TAFA1: variants seen among roughly 807,000 people sequenced by gnomAD.
TAFA1 encodes TAFA chemokine like family member 1, also known as chemokine-like protein TAFA-1.
TAFA1 carries 4 observed loss-of-function variants against 18.5 expected under a neutral mutation model. The observed-to-expected ratio is 0.22, with a 90% CI of 0.11 to 0.49. The LOEUF (loss-of-function observed/expected upper bound fraction) is 0.49. TAFA1 is among the 20% of genes least tolerant of loss of function. The pLI is 0.98. For synonymous variants in TAFA1, 56 were observed against 55.2 expected, an observed-to-expected ratio of 1.01 and a Z score of -0.06; for missense variants, 147 against 169.0, an observed-to-expected ratio of 0.87 and a Z score of 0.72.
chr3:68,401,817 T>A (rs1016212297), intron 2 of TAFA1, among the ~76,000 whole-genome samples: 1 of 152,034 alleles, frequency 6.6e-6, no homozygotes, highest in Non-Finnish European at 1.5e-5. Flanking sequence ...CCAAACTCCA[T>A]GAACTGAAAA....
chr3:68,120,177 CTTTCTTTCT>C (rs2065375045), intron 2 of TAFA1, among the ~76,000 whole-genome samples: 6 of 15,740 alleles, frequency 3.8e-4, no homozygotes, highest in Non-Finnish European at 1.0e-3. Flanking sequence ...CTTTCTCTTT[CTTTCTTTCT>C]TTCTTTCTTT....
Position 68,058,850 on chromosome 3 carries a change from T to G in TAFA1, c.118+52106T>G, listed in dbSNP as rs564584612. On this transcript the variant is annotated intron_variant, in intron 2 of 4. Coordinates refer to ENST00000478136, the MANE Select transcript of TAFA1 (RefSeq NM_213609.4). ...TTTCTATGGCTGCTGTATCTTTGGG[T>G]TCAGTCCATAACTATTTACAAAGAT... 1.4e-3 allele frequency among the ~76,000 whole-genome samples: 213 copies of G among 152,234 alleles called. 2 individuals are homozygous for G. Among genetic ancestry groups the G allele is most frequent in the Non-Finnish European group, 2.4e-3 (162 of 68,020 alleles).
intron 2 of TAFA1, among the ~76,000 whole-genome samples, chr3:68,211,917 G>A (rs1052184115): frequency 1.3e-5 from 2 of 152,002 alleles, no homozygotes; most frequent in Admixed American, 1.3e-4. Flanking sequence ...ACTCTCTTTA[G>A]GTCCCACCTC....
intron 3 of TAFA1, among the ~76,000 whole-genome samples, chr3:68,469,717 T>C (rs2071959651): frequency 6.6e-6 from 1 of 152,102 alleles, no homozygotes; most frequent in Non-Finnish European, 1.5e-5. Flanking sequence ...TTTGAGACAT[T>C]GGAAGCTCCA....
chr3:68,023,126 T>A (rs1000707861), intron 2 of TAFA1, among the ~76,000 whole-genome samples: 2 of 151,910 alleles, frequency 1.3e-5, no homozygotes, highest in Non-Finnish European at 2.9e-5. Flanking sequence ...AACACAGAAA[T>A]TTTCTCTGCC....
intron 2 of TAFA1, among the ~76,000 whole-genome samples, chr3:68,186,660 C>T (rs1206613020): frequency 6.6e-6 from 1 of 152,020 alleles, no homozygotes; most frequent in Non-Finnish European, 1.5e-5. Flanking sequence ...GGTATCTCTA[C>T]CTGTCTACTT....
chr3:68,215,678 G>T (rs376333372), intron 2 of TAFA1, among the ~76,000 whole-genome samples: 7 of 152,028 alleles, frequency 4.6e-5, no homozygotes, highest in Admixed American at 1.3e-4. Flanking sequence ...ATGCTGACAA[G>T]AATGTGGAAC....
intron 2 of TAFA1, among the ~76,000 whole-genome samples, chr3:68,139,623 C>A (rs377653549): frequency 6.6e-6 from 1 of 152,226 alleles, no homozygotes. Context: ...TAGGAGATTT[C>A]TTGGGCCTCA....
At chr3:68,238,295 C>T (rs1295020424) in intron 2 of TAFA1, among the ~76,000 whole-genome samples, 1 of 152,174 alleles carries the variant, frequency 6.6e-6, no homozygotes, top group Non-Finnish European at 1.5e-5. Flanking sequence ...ACCTTCCTCC[C>T]TCAGGCTGAG....
intron 2 of TAFA1, among the ~76,000 whole-genome samples, chr3:68,133,189 T>C (rs2065564341): frequency 6.6e-6 from 1 of 152,178 alleles, no homozygotes; most frequent in Non-Finnish European, 1.5e-5. Flanking sequence ...ATGTATGTTG[T>C]TAGTTCTGAG....
chr3:68,261,634 G>A (rs1483078200), intron 2 of TAFA1, among the ~76,000 whole-genome samples: 1 of 152,078 alleles, frequency 6.6e-6, no homozygotes, highest in Non-Finnish European at 1.5e-5. Flanking sequence ...GATGAAACTG[G>A]AGACCATCAT....
intron 2 of TAFA1, among the ~76,000 whole-genome samples, chr3:68,092,526 G>C (rs1425598063): frequency 6.6e-6 from 1 of 152,128 alleles, no homozygotes; most frequent in African/African-American, 2.4e-5. Flanking sequence ...AACTTTTCAA[G>C]AAGAGTTTTA....
At chr3:68,196,584 GA>G (rs2066413242) in intron 2 of TAFA1, among the ~76,000 whole-genome samples, 2 of 151,836 alleles carry the variant, frequency 1.3e-5, no homozygotes, top group South Asian at 4.1e-4. Flanking sequence ...CATATAGGGA[GA>G]AAAATGATGT....
chr3:68,285,969 T>G (rs567997205), intron 2 of TAFA1, among the ~76,000 whole-genome samples: 124 of 152,114 alleles, frequency 8.2e-4, no homozygotes, highest in African/African-American at 2.8e-3. Flanking sequence ...TCCCAGCACT[T>G]TGGGAGGCTG....
At chr3:68,401,162 T>A (rs1386468773) in intron 2 of TAFA1, among the ~76,000 whole-genome samples, 1 of 152,018 alleles carries the variant, frequency 6.6e-6, no homozygotes, top group Non-Finnish European at 1.5e-5. Context: ...TGTGCTGAAG[T>A]GGAGGAAGTC....
chr3:68,520,248 C>G (rs1489076683), intron 3 of TAFA1, among the ~76,000 whole-genome samples: 1 of 152,210 alleles, frequency 6.6e-6, no homozygotes, highest in South Asian at 2.1e-4. Context: ...CGAAGATTTT[C>G]AGACTCTGTC....
At chr3:68,362,407 G>A (rs1010702361) in intron 2 of TAFA1, among the ~76,000 whole-genome samples, 7 of 152,120 alleles carry the variant, frequency 4.6e-5, no homozygotes, top group Non-Finnish European at 7.4e-5. Flanking sequence ...CTCACGGACT[G>A]AAGACGGAGA....
At chr3:68,275,203 T>A (rs2067770863) in intron 2 of TAFA1, among the ~76,000 whole-genome samples, 1 of 151,998 alleles carries the variant, frequency 6.6e-6, no homozygotes, top group South Asian at 2.1e-4. Context: ...CCTTTATAGG[T>A]CTAGGACTAA....
At chr3:68,354,468 A>G (rs2069327300) in intron 2 of TAFA1, among the ~76,000 whole-genome samples, 3 of 151,924 alleles carry the variant, frequency 2.0e-5, no homozygotes, top group South Asian at 2.1e-4. Context: ...CTCCCAGACA[A>G]TGAGACCAAC....
Sources: gnomAD v4.1 joint callset for allele counts (sites outside exome capture counted in the v4.1 genomes callset) on GRCh38, gnomAD v4.1.1 for gene constraint, MANE v1.5 for transcripts, NCBI Gene and HGNC (gene_info 2026-07-23, HGNC 2026-07-21) for gene names.